Variants in KLF8 observed in about 807,000 individuals in gnomAD.
The protein encoded by KLF8 is KLF transcription factor 8.
KLF8 carries 10 observed loss-of-function variants against 18.2 expected under a neutral mutation model. The observed-to-expected ratio is 0.55, with a 90% CI of 0.34 to 0.93. KLF8 has a LOEUF of 0.93. Ranked by LOEUF, KLF8 falls within the 40% of genes least tolerant of loss-of-function variation. The pLI, the probability that KLF8 is intolerant of heterozygous loss-of-function variation, is 0.02. For synonymous variants in KLF8, 109 were observed against 97.3 expected (o/e 1.12, Z -0.71); for missense variants, 264 against 277.9 (o/e 0.95, Z 0.36).
In KLF8 at chrX:56,233,855, G is replaced by C. The variant is rs1364143918; in HGVS notation, c.7+514G>C. On this transcript the variant is annotated intron_variant, in intron 1 of 5. Transcript: ENST00000468660. ...CAGAGTGAGGCCTGGAAGCAGCTGC[G>C]GGGGAGGAGCTGCTTTGGGCGTGCC... Among the ~76,000 whole-genome samples the C allele has an allele frequency of 5.4e-5, 6 of 111,624 alleles. No homozygotes were observed. In the East Asian group the frequency reaches 1.4e-3, roughly 26 times the overall value.
the KLF8 span, among the ~76,000 whole-genome samples, chrX:56,021,837 G>C: frequency 6.4e-5 from 7 of 110,223 alleles, no homozygotes; most frequent in African/African-American, 2.3e-4. Flanking sequence ...TTGGCACTGT[G>C]CTTTGCTGAG....
At chrX:56,175,704 A>T in the KLF8 span, among the ~76,000 whole-genome samples, 2 of 111,229 alleles carry the variant, frequency 1.8e-5, no homozygotes, top group African/African-American at 3.3e-5. Context: ...GGGGTGTAAA[A>T]GTCTCCCATT....
Position 56,237,142 on chromosome X carries a change from C to G in KLF8, c.7+3801C>G, listed in dbSNP as rs761169714. Reference sequence around the variant, plus strand: ...TGAATTGTGACCCCCCCATCCCCCCCAAAAAAATTCATACATTGAAGACCT... The same window carrying G: ...TGAATTGTGACCCCCCCATCCCCCCGAAAAAAATTCATACATTGAAGACCT... On this transcript the variant is annotated intron_variant, in intron 1 of 5. Transcript: ENST00000468660. Among the ~76,000 whole-genome samples the G allele has an allele frequency of 2.9e-5, 3 of 102,282 alleles. No individual in the cohort carries two copies. In the South Asian group the frequency reaches 1.4e-3, roughly 49 times the overall value. 88.8% of individuals were successfully genotyped at this position (102,282 alleles called of 115,157 possible).
chrX:55,933,490 C>G, the KLF8 span, among the ~76,000 whole-genome samples: 1 of 112,107 alleles, frequency 8.9e-6, no homozygotes. Flanking sequence ...TTAAAATGAT[C>G]AGTTATTAAA....
chrX:56,270,747 A>T (rs1162377996), intron 5 of KLF8, among the ~76,000 whole-genome samples: 1 of 111,162 alleles, frequency 9.0e-6, no homozygotes, highest in Non-Finnish European at 1.9e-5. Flanking sequence ...AGAACAATTT[A>T]AACTATGTGA....
chrX:56,121,053 G>T, the KLF8 span, among the ~76,000 whole-genome samples: 2 of 109,550 alleles, frequency 1.8e-5, no homozygotes, highest in African/African-American at 3.3e-5. Flanking sequence ...GGACGTGGTG[G>T]CGGGCACCTG....
the KLF8 span, among the ~76,000 whole-genome samples, chrX:56,188,015 T>C: frequency 1.8e-5 from 2 of 111,368 alleles, no homozygotes; most frequent in Non-Finnish European, 3.8e-5. Flanking sequence ...TGTTGGAAGT[T>C]CTGGCCAGGG....
chrX:56,116,196 T>A, the KLF8 span, among the ~76,000 whole-genome samples: 1 of 112,909 alleles, frequency 8.9e-6, no homozygotes, highest in Non-Finnish European at 1.9e-5. Context: ...GCCAAAGAGA[T>A]CCTGGCTGCA....
the KLF8 span, among the ~76,000 whole-genome samples, chrX:56,158,681 G>GCTCT: frequency 1.3e-4 from 14 of 110,466 alleles, no homozygotes; most frequent in East Asian, 2.0e-3. Context: ...TCATGATTTG[G>GCTCT]CTGTTTGTCT....
the KLF8 span, among the ~76,000 whole-genome samples, chrX:56,226,970 A>G: frequency 1.3e-4 from 15 of 112,634 alleles, no homozygotes; most frequent in Non-Finnish European, 1.7e-4. Flanking sequence ...GAAATGAAAA[A>G]TGAGGCTGCA....
At chrX:56,054,755 C>T in the KLF8 span, among the ~76,000 whole-genome samples, 18 of 111,782 alleles carry the variant, frequency 1.6e-4, no homozygotes, top group East Asian at 5.6e-4. Flanking sequence ...TCTTGCTTTA[C>T]GGATCAGAGT....
chrX:56,116,498 C>A, the KLF8 span, among the ~76,000 whole-genome samples: 1 of 109,893 alleles, frequency 9.1e-6, no homozygotes, highest in South Asian at 4.0e-4. Context: ...CTGAAAAGGG[C>A]CTGGAAAGCT....
At chrX:56,052,247 C>G in the KLF8 span, among the ~76,000 whole-genome samples, 1 of 111,861 alleles carries the variant, frequency 8.9e-6, no homozygotes, top group Non-Finnish European at 1.9e-5. Flanking sequence ...ATTTGATCGT[C>G]TGAAGCCTTC....
the KLF8 span, among the ~76,000 whole-genome samples, chrX:56,212,457 G>T: frequency 8.9e-6 from 1 of 112,082 alleles, no homozygotes; most frequent in African/African-American, 3.2e-5. Context: ...GAGCACTTTG[G>T]CCCTCAGTGA....
the KLF8 span, among the ~76,000 whole-genome samples, chrX:56,035,800 C>T: frequency 9.0e-6 from 1 of 111,473 alleles, no homozygotes; most frequent in African/African-American, 3.3e-5. Flanking sequence ...CACCCATTCA[C>T]GTCTTTTTAA....
the KLF8 span, among the ~76,000 whole-genome samples, chrX:55,989,532 C>G: frequency 8.9e-6 from 1 of 112,418 alleles, no homozygotes; most frequent in Non-Finnish European, 1.9e-5. Context: ...TTGAACCAGC[C>G]TTGCATCCCA....
the KLF8 span, among the ~76,000 whole-genome samples, chrX:56,102,006 CA>C: frequency 9.0e-6 from 1 of 111,111 alleles, no homozygotes; most frequent in Non-Finnish European, 1.9e-5. Flanking sequence ...TTTAGGAATT[CA>C]GCCAAAAATT....
At chrX:56,242,301 T>G (rs1602413345) in intron 1 of KLF8, among the ~76,000 whole-genome samples, 1 of 112,239 alleles carries the variant, frequency 8.9e-6, no homozygotes, top group Non-Finnish European at 1.9e-5. Flanking sequence ...CATGAACTCA[T>G]AGGAGAATGG....
the KLF8 span, among the ~76,000 whole-genome samples, chrX:56,136,781 G>T: frequency 4.5e-5 from 5 of 110,598 alleles, no homozygotes; most frequent in Non-Finnish European, 9.5e-5. Flanking sequence ...AAGAGCTTCT[G>T]CACAGCAAAA....
Sources: allele counts gnomAD v4.1 joint callset (sites outside exome capture counted in the v4.1 genomes callset), GRCh38; gene constraint gnomAD v4.1.1; transcripts MANE v1.5; gene names NCBI Gene and HGNC (gene_info 2026-07-23, HGNC 2026-07-21).